Variants in DYNC2H1 observed in about 807,000 individuals in gnomAD.
DYNC2H1 encodes dynein cytoplasmic 2 heavy chain 1, also known as cytoplasmic dynein 2 heavy chain 1.
In DYNC2H1, 410 loss-of-function variants were observed where a neutral mutation model predicts 570.0. The ratio of observed to expected loss-of-function variants is 0.72; its 90% CI spans 0.66 to 0.78. The LOEUF (loss-of-function observed/expected upper bound fraction) is 0.78. DYNC2H1 is among the 30% of genes least tolerant of loss of function. The pLI, the probability that DYNC2H1 is intolerant of heterozygous loss-of-function variation, is 0.00. For synonymous variants in DYNC2H1, 1,688 were observed against 1,677.6 expected (o/e 1.01, Z -0.15); for missense variants, 4,865 against 5,046.4 (o/e 0.96, Z 1.09).
Position 103,257,731 on chromosome 11 carries a change from C to A in DYNC2H1, c.10585C>A (p.Arg3529=). 6.3e-7 allele frequency: 1 copy of A among 1,598,982 alleles called. No individual in the cohort carries two copies. The change falls in exon 69 of 89, where the codon CGA becomes AGA. Residue 3529 remains arginine, a synonymous_variant. Transcript: ENST00000375735. ...SLAAFLRLFQ[R]ALQNKQDSEN... The stretch of plus-strand genomic sequence containing the variant: ...GGCTGCTTTTCTCCGACTTTTCCAA[C>A]GAGCTCTACAAAACAAACAGGTAAG...
At chr11:103,390,649 C>A (rs896945646) in intron 83 of DYNC2H1, among the ~76,000 whole-genome samples, 1 of 152,204 alleles carries the variant, frequency 6.6e-6, no homozygotes, top group Non-Finnish European at 1.5e-5. Context: ...TTGTTCCTTT[C>A]CATGTTGAGT....
rs1160533244 is a variant in DYNC2H1 at position 103,358,310 on chromosome 11, G to T, written c.12107G>T (p.Trp4036Leu). ...GGTTCCAAATTTGATAGAGAAATCT[G>T]GTCTAATGAACTTTCTCCTGTCCTC... The part of the protein sequence containing the change: ...TAGSKFDREI[W>L]SNELSPVLNL... The change falls in exon 83 of 89, where the codon TGG (tryptophan) becomes TTG (leucine). Residue 4036 changes from tryptophan to leucine, a missense_variant. Physicochemically the swap from Trp to Leu is moderately conservative, Grantham distance 61. Around this residue, in one of 5 missense-constraint regions of DYNC2H1, gnomAD observed 2,401 missense variants for 2,454.6 expected, o/e 0.98. Coordinates refer to ENST00000375735, the MANE Select transcript of DYNC2H1 (RefSeq NM_001377.3). 1.9e-6 allele frequency: 3 copies of T among 1,590,902 alleles called. No individual in the cohort carries two copies.
At chr11:103,430,587 C>T (rs1357459830) in intron 84 of DYNC2H1, among the ~76,000 whole-genome samples, 1 of 152,040 alleles carries the variant, frequency 6.6e-6, no homozygotes, top group Non-Finnish European at 1.5e-5. Context: ...CACTTCCTCG[C>T]TTAAAGGTTG....
intron 60 of DYNC2H1, among the ~76,000 whole-genome samples, chr11:103,232,549 A>G (rs1475045208): frequency 6.6e-6 from 1 of 152,014 alleles, no homozygotes. Flanking sequence ...GTTGGTTACC[A>G]TGCTGTTACT....
chr11:103,418,230 C>G (rs1291938921), intron 84 of DYNC2H1, among the ~76,000 whole-genome samples: 1 of 151,980 alleles, frequency 6.6e-6, no homozygotes, highest in Admixed American at 6.6e-5. Flanking sequence ...AAGAAGGAAG[C>G]CTGCCTTTAT....
intron 11 of DYNC2H1, 112 bp downstream of exon 11, chr11:103,123,112 A>G: frequency 2.2e-6 from 2 of 913,728 alleles, no homozygotes; most frequent in Non-Finnish European, 2.9e-6. Context: ...CTCCTCCTGT[A>G]ATTTTTTTTT....
At chr11:103,356,292 A>C (rs1940333268) in intron 82 of DYNC2H1, among the ~76,000 whole-genome samples, 1 of 152,186 alleles carries the variant, frequency 6.6e-6, no homozygotes, top group African/African-American at 2.4e-5. Context: ...CCCTGTCCTC[A>C]TTAATAAAAA....
intron 47 of DYNC2H1, among the ~76,000 whole-genome samples, chr11:103,194,638 C>A (rs1483856632): frequency 5.3e-5 from 8 of 152,090 alleles, no homozygotes; most frequent in African/African-American, 1.7e-4. Context: ...TGAACTTGAA[C>A]ATCTTTTTGT....
rs967250704 is a variant in DYNC2H1 at position 103,252,523 on chromosome 11, T to G, written c.10043-762T>G. ...TCAACATTTGTTATCTCTTGTCTTT[T>G]TGATAATACCCATCCTAACAGGTGT... On this transcript the variant is annotated intron_variant, in intron 65 of 88. Coordinates refer to ENST00000375735, the MANE Select transcript of DYNC2H1 (RefSeq NM_001377.3). This position sits in a 1 kb window ranked among gnomAD's most constrained non-coding sequence, Gnocchi z 4.6. 6.6e-6 allele frequency among the ~76,000 whole-genome samples: 1 copy of G among 152,226 alleles called. No homozygotes were observed. The highest frequency in any genetic ancestry group is 2.4e-5 in the African/African-American group (1 of 41,460).
chr11:103,138,115 A>G (rs2134796141), intron 17 of DYNC2H1, among the ~76,000 whole-genome samples: 1 of 152,042 alleles, frequency 6.6e-6, no homozygotes, highest in Middle Eastern at 3.4e-3. Context: ...TATCAGCTTA[A>G]GGAGATTTTG....
chr11:103,409,273 T>C (rs1793496), intron 84 of DYNC2H1, among the ~76,000 whole-genome samples: 76,856 of 151,610 alleles, frequency 0.51, 19,740 homozygotes, highest in African/African-American at 0.6. Context: ...CTGTTAACGG[T>C]CAGTGGGTTA....
chr11:103,280,123 A>C lies in DYNC2H1; in HGVS notation c.10696-225A>C, dbSNP rs1233672852. On this transcript the variant is annotated intron_variant, in intron 70 of 88. Transcript: ENST00000375735. The surrounding 1 kb of genome is among the most constrained non-coding windows in gnomAD (Gnocchi z 4.7). The stretch of plus-strand genomic sequence containing the variant: ...GACATGGGCCCACTGCATAATTGTT[A>C]GTGCTTTCTCCAAAAATGTGATCAC... 2.0e-5 allele frequency among the ~76,000 whole-genome samples: 3 copies of C among 152,132 alleles called. No individual in the cohort carries two copies. The highest frequency in any genetic ancestry group is 7.2e-5 in the African/African-American group (3 of 41,440).
intron 25 of DYNC2H1, 93 bp from the exon 26 acceptor site, chr11:103,156,295 A>G: frequency 7.7e-7 from 1 of 1,293,382 alleles, no homozygotes; most frequent in Non-Finnish European, 1.0e-6. Context: ...GAAAAGCCAG[A>G]TAAAATATAT....
At chr11:103,282,860 C>A in intron 72 of DYNC2H1, 148 bp from the exon 73 acceptor site, 1 of 566,722 alleles carries the variant, frequency 1.8e-6, no homozygotes, top group Non-Finnish European at 3.0e-6. Flanking sequence ...AGAATTTTAC[C>A]ATGGTGACTT....
chr11:103,150,630 T>C (rs1414098843), intron 20 of DYNC2H1, among the ~76,000 whole-genome samples: 2 of 152,142 alleles, frequency 1.3e-5, no homozygotes, highest in African/African-American at 4.8e-5. Context: ...AAATACAAAT[T>C]TTGAAGTCTT....
chr11:103,223,120 C>T, intron 59 of DYNC2H1, 34 bp downstream of exon 59: 1 of 1,532,930 alleles, frequency 6.5e-7, no homozygotes, highest in Non-Finnish European at 8.8e-7. Context: ...CAATTCTAAC[C>T]TTTATTTTCA....
intron 82 of DYNC2H1, among the ~76,000 whole-genome samples, chr11:103,344,356 C>G (rs757596581): frequency 1.3e-5 from 2 of 152,158 alleles, no homozygotes; most frequent in Non-Finnish European, 1.5e-5. Flanking sequence ...CAGTCACTCC[C>G]CATCTAATTC....
At chr11:103,359,553 GAATGACTTC>G (rs1940528446) in intron 83 of DYNC2H1, among the ~76,000 whole-genome samples, 1 of 151,874 alleles carries the variant, frequency 6.6e-6, no homozygotes, top group South Asian at 2.1e-4. Context: ...AAGACTATAC[GAATGACTTC>G]AAAGGCTTAC....
At chr11:103,340,647 G>A (rs1167791496) in intron 82 of DYNC2H1, among the ~76,000 whole-genome samples, 1 of 152,124 alleles carries the variant, frequency 6.6e-6, no homozygotes, top group Non-Finnish European at 1.5e-5. Context: ...AGTAGAATTT[G>A]TGTTTGTTGC....
Sources: allele counts gnomAD v4.1 joint callset (sites outside exome capture counted in the v4.1 genomes callset), GRCh38; gene constraint gnomAD v4.1.1; regional missense constraint gnomAD v4.1.1; non-coding constraint Gnocchi (gnomAD v3.1); transcripts MANE v1.5; gene names NCBI Gene and HGNC (gene_info 2026-07-23, HGNC 2026-07-21).